MTARC2: variants seen among roughly 807,000 people sequenced by gnomAD.
The protein encoded by MTARC2 is MOCO sulphurase C-terminal domain containing 2.
A neutral mutation model predicts 35.6 loss-of-function variants in MTARC2; 27 were observed. The ratio of observed to expected loss-of-function variants is 0.76; its 90% CI spans 0.56 to 1.04. MTARC2 has a LOEUF of 1.04. MTARC2 is among the 50% of genes least tolerant of loss of function. The pLI, the probability that MTARC2 is intolerant of heterozygous loss-of-function variation, is 0.00. For missense variants in MTARC2, 412 were observed against 432.5 expected (o/e 0.95, Z 0.42); for synonymous variants, 158 against 167.1 (o/e 0.95, Z 0.42).
intron 1 of MTARC2, among the ~76,000 whole-genome samples, chr1:220,752,486 A>G (rs779360607): frequency 6.6e-6 from 1 of 152,208 alleles, no homozygotes; most frequent in South Asian, 2.1e-4. Context: ...TTCTCTGGGC[A>G]GACATCCTCA....
At chr1:220,760,012 GCCTTCCCACGGGGAGGGGCAAGC>G (rs1445915808) in intron 2 of MTARC2, among the ~76,000 whole-genome samples, 5 of 152,154 alleles carry the variant, frequency 3.3e-5, no homozygotes, top group African/African-American at 1.2e-4. Flanking sequence ...ACTGGTATGA[GCCTTCCCACGGGGAGGGGCAAGC>G]CCTTCCCATG....
In MTARC2 at chr1:220,781,809, T is replaced by C. The variant is rs750628256; in HGVS notation, c.916T>C (p.Leu306=). 6.2e-7 allele frequency: 1 copy of C among 1,614,170 alleles called. No homozygotes were observed. Among genetic ancestry groups the C allele is most frequent in the Non-Finnish European group, 8.5e-7 (1 of 1,180,020 alleles). Residue 306 remains leucine (L), a synonymous_variant, in exon 7 of 8, where the codon TTG becomes CTG. Transcript: ENST00000366913. The stretch of plus-strand genomic sequence containing the variant: ...CCTGTGTGATCCTTCTGAGAGGGAA[T>C]TGTACAAGTTGTCTCCACTTTTTGG... ...YRLCDPSERE[L]YKLSPLFGIY...
At position 220,781,906 on chromosome 1, in the gene MTARC2, G is replaced by C. The variant is rs1207674735; in HGVS notation, c.*5G>C. The C allele has an allele frequency of 6.2e-7, 1 of 1,613,488 alleles. No homozygotes were observed. ...CCTGTGTATCGGATGGTGTAGTGAT[G>C]AGTGATGGATCCACTAGGGTGATAT... On this transcript the variant is annotated 3_prime_UTR_variant, in exon 7 of 8. Transcript: ENST00000366913.
chr1:220,764,438 T>C (rs1423701261), intron 4 of MTARC2, among the ~76,000 whole-genome samples: 1 of 152,198 alleles, frequency 6.6e-6, no homozygotes, highest in African/African-American at 2.4e-5. Flanking sequence ...ACCTTTGCAC[T>C]GAGCCTTGTA....
chr1:220,774,345 A>G (rs777621836), intron 4 of MTARC2, among the ~76,000 whole-genome samples: 8 of 152,172 alleles, frequency 5.3e-5, no homozygotes, highest in Non-Finnish European at 8.8e-5. Flanking sequence ...ATATTTAGCC[A>G]GTCTCCAGGA....
intron 1 of MTARC2, among the ~76,000 whole-genome samples, chr1:220,749,738 C>T (rs1274216313): frequency 6.6e-6 from 1 of 152,068 alleles, no homozygotes; most frequent in Non-Finnish European, 1.5e-5. Context: ...GCCAAGATGT[C>T]TTCTTATCTG....
chr1:220,748,936 C>G (rs1449369046), intron 1 of MTARC2, 133 bp downstream of exon 1: 3 of 1,214,644 alleles, frequency 2.5e-6, no homozygotes, highest in Non-Finnish European at 3.2e-6. Flanking sequence ...ACTGTTGGGC[C>G]GTTGGTCGTT....
chr1:220,778,265 A>AAAAAG (rs1553254993), intron 4 of MTARC2, among the ~76,000 whole-genome samples: 379 of 138,456 alleles, frequency 2.7e-3, no homozygotes, highest in Middle Eastern at 0.011. Context: ...AAAAAAAAAA[A>AAAAAG]AAAGAAAGAA....
At chr1:220,757,755 C>T (rs1343870015) in intron 2 of MTARC2, among the ~76,000 whole-genome samples, 2 of 152,266 alleles carry the variant, frequency 1.3e-5, no homozygotes, top group African/African-American at 4.8e-5. Flanking sequence ...TCCCATAGGC[C>T]CCACATTGGG....
At chr1:220,771,562 G>C (rs1011180957) in intron 4 of MTARC2, among the ~76,000 whole-genome samples, 2 of 152,148 alleles carry the variant, frequency 1.3e-5, no homozygotes, top group Non-Finnish European at 2.9e-5. Flanking sequence ...CAGGGAGTCT[G>C]GAACCAGGGC....
intron 4 of MTARC2, among the ~76,000 whole-genome samples, chr1:220,766,026 G>T (rs1486142953): frequency 6.6e-6 from 1 of 152,172 alleles, no homozygotes; most frequent in African/African-American, 2.4e-5. Flanking sequence ...TGAGCTAGGA[G>T]AGTGCAGGGA....
intron 4 of MTARC2, among the ~76,000 whole-genome samples, chr1:220,778,809 A>G (rs1671989142): frequency 1.3e-5 from 2 of 152,166 alleles, no homozygotes; most frequent in African/African-American, 4.8e-5. Flanking sequence ...ATGTCTCCCA[A>G]TACCAGAAGG....
intron 2 of MTARC2, among the ~76,000 whole-genome samples, chr1:220,760,347 T>C (rs1352426116): frequency 2.0e-5 from 3 of 152,248 alleles, no homozygotes. Flanking sequence ...AAATTGTTGC[T>C]GATAAATCAT....
In MTARC2 at chr1:220,748,687, G is replaced by C; in HGVS notation, c.156G>C (p.Gln52His). The C allele has an allele frequency of 6.3e-7, 1 of 1,589,020 alleles. No homozygotes were observed. The highest frequency in any genetic ancestry group is 1.1e-5 in the South Asian group (1 of 88,368). Residue 52 changes from glutamine (Q) to histidine (H), a missense_variant, in exon 1 of 8, where the codon CAG becomes CAC. Gln to His is a conservative substitution (Grantham distance 24). Coordinates refer to ENST00000366913, the MANE Select transcript of MTARC2 (RefSeq NM_017898.5). ...GGCCCAGGCGGCGCCGGCGGCTGCA[G>C]CAGGTGGGCACCGTGGCGAAGCTCT... ...RAWPRRRRRL[Q>H]QVGTVAKLWI... is the part of the protein sequence containing the mutation.
intron 1 of MTARC2, among the ~76,000 whole-genome samples, chr1:220,750,281 A>T (rs1671094787): frequency 6.6e-6 from 1 of 152,204 alleles, no homozygotes; most frequent in South Asian, 2.1e-4. Flanking sequence ...CTTCCAAAAA[A>T]CTGGGAGAAC....
At chr1:220,776,309 C>T (rs542838600) in intron 4 of MTARC2, among the ~76,000 whole-genome samples, 1 of 152,092 alleles carries the variant, frequency 6.6e-6, no homozygotes, top group Non-Finnish European at 1.5e-5. Flanking sequence ...GCTTGTTGGT[C>T]GCGTGTATGT....
chr1:220,766,929 C>T (rs1424494412), intron 4 of MTARC2, among the ~76,000 whole-genome samples: 1 of 148,716 alleles, frequency 6.7e-6, no homozygotes, highest in African/African-American at 2.5e-5. Flanking sequence ...TTGTGTGAGT[C>T]CAGGAGTTCG....
At chr1:220,772,763 T>A (rs1368168869) in intron 4 of MTARC2, among the ~76,000 whole-genome samples, 1 of 152,020 alleles carries the variant, frequency 6.6e-6, no homozygotes, top group Non-Finnish European at 1.5e-5. Flanking sequence ...ATGAACTGGA[T>A]CCAATTGCGG....
At chr1:220,762,765 C>T (rs1462740880) in intron 3 of MTARC2, 145 bp from the exon 4 acceptor site, 2 of 869,644 alleles carry the variant, frequency 2.3e-6, no homozygotes, top group Admixed American at 5.4e-5. Context: ...CACTGCAAGC[C>T]CAAACTCACA....
Sources: gnomAD v4.1 joint callset for allele counts (sites outside exome capture counted in the v4.1 genomes callset) on GRCh38, gnomAD v4.1.1 for gene constraint, MANE v1.5 for transcripts, NCBI Gene and HGNC (gene_info 2026-07-23, HGNC 2026-07-21) for gene names.